The following NCOA1 variants were observed in gnomAD, a reference collection of about 807,000 sequenced individuals.
NCOA1 encodes the protein nuclear receptor coactivator 1.
A neutral mutation model predicts 150.9 loss-of-function variants in NCOA1; 35 were observed. The observed-to-expected ratio is 0.23, with a 90% confidence interval of 0.18 to 0.31. NCOA1 has a LOEUF of 0.31. Ranked by LOEUF, NCOA1 falls within the 10% of genes least tolerant of loss-of-function variation. The pLI, the probability that NCOA1 is intolerant of heterozygous loss-of-function variation, is 1.00. For synonymous variants in NCOA1, 590 were observed against 630.0 expected (o/e 0.94, Z 0.95); for missense variants, 1,491 against 1,749.3 (o/e 0.85, Z 2.63).
intron 20 of NCOA1, among the ~76,000 whole-genome samples, chr2:24,755,154 GA>G (rs1409347235): frequency 6.6e-6 from 1 of 152,252 alleles, no homozygotes; most frequent in Admixed American, 6.5e-5. Flanking sequence ...TCTAGTTGGT[GA>G]GGGGGCAGGT....
rs188920794 is a variant in NCOA1 at position 24,517,079 on chromosome 2, G to C, written c.-396+25477G>C. ...ATTTTACTGTATCTTGAATTTGAAT[G>C]CTTTAAGGCTAGTGCATAATCTCTT... is the stretch of plus-strand genomic sequence containing the variant. On this transcript the variant is annotated intron_variant, in intron 1 of 22. Transcript: ENST00000348332. 2.3e-3 allele frequency among the ~76,000 whole-genome samples: 320 copies of C among 140,728 alleles called. 1 individual carries two copies. The highest frequency in any genetic ancestry group is 7.5e-3 in the African/African-American group (298 of 39,542). 92.3% of individuals were successfully genotyped at this position (140,728 alleles called of 152,430 possible). A position where few individuals can be genotyped will look rare whatever the true frequency, so the allele number is the denominator to read the frequency against.
intron 2 of NCOA1, 71 bp downstream of exon 2, chr2:24,564,501 T>A (rs1346797943): frequency 6.6e-6 from 1 of 152,214 alleles, no homozygotes; most frequent in African/African-American, 2.4e-5. Context: ...TTTCTAGATA[T>A]AGGTTTGGTG....
intron 3 of NCOA1, among the ~76,000 whole-genome samples, chr2:24,632,622 C>G (rs915339416): frequency 6.6e-6 from 1 of 152,112 alleles, no homozygotes; most frequent in Non-Finnish European, 1.5e-5. Flanking sequence ...GAAAACTAGG[C>G]CCTTTAGCAT....
intron 15 of NCOA1, 27 bp from the exon 16 acceptor site, chr2:24,728,281 A>G: frequency 6.3e-7 from 1 of 1,581,844 alleles, no homozygotes; most frequent in Non-Finnish European, 8.6e-7. Context: ...TGTCAGTCTG[A>G]AACTTTCTTG....
At chr2:24,532,479 G>T (rs1293909243) in intron 1 of NCOA1, among the ~76,000 whole-genome samples, 3 of 152,110 alleles carry the variant, frequency 2.0e-5, no homozygotes, top group Non-Finnish European at 4.4e-5. Context: ...TGTCAATTTT[G>T]GCTTTTGTTG....
At chr2:24,633,973 T>C (rs1572519219) in intron 3 of NCOA1, among the ~76,000 whole-genome samples, 1 of 152,216 alleles carries the variant, frequency 6.6e-6, no homozygotes, top group East Asian at 1.9e-4. Context: ...TAAGATGTGG[T>C]ATATTCACAT....
chr2:24,624,478 G>A (rs1290721128), intron 3 of NCOA1, among the ~76,000 whole-genome samples: 1 of 152,170 alleles, frequency 6.6e-6, no homozygotes, highest in Non-Finnish European at 1.5e-5. Context: ...AGAACAAAAA[G>A]TTTTCAATGT....
intron 1 of NCOA1, among the ~76,000 whole-genome samples, chr2:24,538,765 A>G (rs1665269744): frequency 6.6e-6 from 1 of 152,178 alleles, no homozygotes. Context: ...TTTGTCATGT[A>G]CGAGACTTCA....
intron 3 of NCOA1, among the ~76,000 whole-genome samples, chr2:24,605,588 T>C (rs940292226): frequency 4.6e-5 from 7 of 152,340 alleles, no homozygotes; most frequent in Middle Eastern, 3.4e-3. Context: ...TTCCTAGAAG[T>C]AGAATTGCTG....
intron 17 of NCOA1, among the ~76,000 whole-genome samples, chr2:24,736,627 A>G (rs749227264): frequency 2.0e-5 from 3 of 152,240 alleles, no homozygotes; most frequent in Admixed American, 2.0e-4. Context: ...AAGTTTCTTT[A>G]AAGAATACTT....
chr2:24,529,442 C>T (rs942535324), intron 1 of NCOA1, among the ~76,000 whole-genome samples: 1 of 152,206 alleles, frequency 6.6e-6, no homozygotes, highest in African/African-American at 2.4e-5. Flanking sequence ...ATCCTCCCGC[C>T]CTGGCCTCCT....
chr2:24,763,723 C>T (rs1412422941), intron 22 of NCOA1, among the ~76,000 whole-genome samples: 3 of 143,530 alleles, frequency 2.1e-5, no homozygotes, highest in South Asian at 2.2e-4. Flanking sequence ...TGGGTTCAAG[C>T]GATTCTCCTG....
intron 3 of NCOA1, among the ~76,000 whole-genome samples, chr2:24,589,230 A>G (rs1409870721): frequency 7.2e-5 from 11 of 151,936 alleles, no homozygotes; most frequent in Non-Finnish European, 1.6e-4. Flanking sequence ...TACCAGAACT[A>G]TCGTTTGAGG....
chr2:24,706,729 G>T lies in NCOA1; in HGVS notation c.1259G>T (p.Arg420Leu), dbSNP rs371834198. The T allele has an allele frequency of 6.2e-7, 1 of 1,614,104 alleles. No individual in the cohort carries two copies. The highest frequency in any genetic ancestry group is 8.5e-7 in the Non-Finnish European group (1 of 1,180,014). The change falls in exon 13 of 23, where the codon CGC becomes CTC. Residue 420 changes from arginine (R) to leucine (L), a missense_variant. Coordinates refer to ENST00000348332, the MANE Select transcript of NCOA1 (RefSeq NM_003743.5). ...AACATGGTATCCACCAGAATAAACC[G>T]CCAGCAGAGCTCAGACCTTCATAGC... is the stretch of plus-strand genomic sequence containing the variant. ...NSNMVSTRIN[R>L]QQSSDLHSSS...
chr2:24,515,874 T>G (rs897038461), intron 1 of NCOA1, among the ~76,000 whole-genome samples: 1 of 152,232 alleles, frequency 6.6e-6, no homozygotes, highest in Non-Finnish European at 1.5e-5. Flanking sequence ...CTAAAGCTAG[T>G]CTATAATTTA....
At chr2:24,658,627 G>C in intron 4 of NCOA1, 34 bp from the exon 5 acceptor site, 4 of 1,506,570 alleles carry the variant, frequency 2.7e-6, no homozygotes, top group Non-Finnish European at 3.7e-6. Context: ...AAGGTCATAA[G>C]GGTAGATTTC....
intron 1 of NCOA1, among the ~76,000 whole-genome samples, chr2:24,507,096 C>T (rs781714642): frequency 6.6e-6 from 1 of 152,014 alleles, no homozygotes; most frequent in African/African-American, 2.4e-5. Context: ...ATCTGGAGGA[C>T]GAAGACTGAA....
chr2:24,536,184 C>T (rs1394171559), intron 1 of NCOA1, among the ~76,000 whole-genome samples: 1 of 152,138 alleles, frequency 6.6e-6, no homozygotes, highest in Non-Finnish European at 1.5e-5. Flanking sequence ...TGTCTTCTCG[C>T]TTTATTTCAT....
chr2:24,613,233 G>A (rs1668711283), intron 3 of NCOA1, among the ~76,000 whole-genome samples: 1 of 152,194 alleles, frequency 6.6e-6, no homozygotes. Flanking sequence ...CTACAAGCCA[G>A]TAGATGGCGC....
Sources: allele counts gnomAD v4.1 joint callset (sites outside exome capture counted in the v4.1 genomes callset), GRCh38; gene constraint gnomAD v4.1.1; transcripts MANE v1.5; gene names NCBI Gene and HGNC (gene_info 2026-07-23, HGNC 2026-07-21).